TBC1D21: variants seen among roughly 807,000 people sequenced by gnomAD.
The protein encoded by TBC1D21 is male germ cell Rab GTPase-activating protein.
A neutral mutation model predicts 46.0 loss-of-function variants in TBC1D21; 38 were observed. The observed-to-expected ratio is 0.83, with a 90% confidence interval of 0.64 to 1.08. The LOEUF is 1.08. Among genes scored for constraint, TBC1D21 ranks in the 50% least tolerant of loss-of-function variants. The pLI is 0.00. For synonymous variants in TBC1D21, 151 were observed against 157.2 expected (o/e 0.96, Z 0.29); for missense variants, 415 against 417.9 (o/e 0.99, Z 0.06).
the TBC1D21 span, among the ~76,000 whole-genome samples, chr15:73,896,376 G>C: frequency 6.6e-6 from 1 of 152,162 alleles, no homozygotes; most frequent in African/African-American, 2.4e-5. Flanking sequence ...GACAATGGCA[G>C]GTCGTGGTGG....
chr15:73,884,349 A>C, intron 4 of TBC1D21, 104 bp downstream of exon 4: 1 of 1,095,860 alleles, frequency 9.1e-7, no homozygotes, highest in South Asian at 1.3e-5. Flanking sequence ...GGATCCTGGG[A>C]GTTGCTTTGA....
intron 1 of TBC1D21, among the ~76,000 whole-genome samples, chr15:73,879,880 T>C (rs1223350578): frequency 5.6e-5 from 8 of 142,730 alleles, no homozygotes; most frequent in Non-Finnish European, 8.1e-5. Context: ...ACTCCTGTTG[T>C]TGTTGTTGTT....
intron 7 of TBC1D21, 42 bp from the exon 8 acceptor site, chr15:73,886,470 T>C (rs1173977556): frequency 3.8e-6 from 6 of 1,567,998 alleles, no homozygotes; most frequent in Non-Finnish European, 5.3e-6. Flanking sequence ...CTGCATCATA[T>C]GTGTTTTCCC....
the TBC1D21 span, among the ~76,000 whole-genome samples, chr15:73,900,039 C>A: frequency 6.6e-6 from 1 of 152,180 alleles, no homozygotes; most frequent in South Asian, 2.1e-4. Flanking sequence ...CACAGAGGGA[C>A]TTGCAGAATC....
chr15:73,880,304 C>CCACA (rs57897774), intron 1 of TBC1D21, among the ~76,000 whole-genome samples: 71,802 of 149,226 alleles, frequency 0.48, 17,563 homozygotes, highest in Middle Eastern at 0.62. Context: ...CAGATATATA[C>CCACA]CACACACACA....
the TBC1D21 span, among the ~76,000 whole-genome samples, chr15:73,897,250 C>T: frequency 1.4e-3 from 209 of 152,238 alleles, 1 homozygote; most frequent in African/African-American, 4.5e-3. Context: ...GTTGTGTGAC[C>T]GTGGACAATA....
the TBC1D21 span, among the ~76,000 whole-genome samples, chr15:73,903,248 C>A: frequency 6.6e-6 from 1 of 152,238 alleles, no homozygotes; most frequent in Non-Finnish European, 1.5e-5. Context: ...GCACCCATGC[C>A]TCCGGCTTCT....
intron 1 of TBC1D21, among the ~76,000 whole-genome samples, chr15:73,877,480 T>C (rs1048916092): frequency 5.5e-5 from 4 of 72,906 alleles, no homozygotes; most frequent in African/African-American, 2.1e-4. Flanking sequence ...TAAAAAGAAA[T>C]AATACCAATT....
intron 1 of TBC1D21, among the ~76,000 whole-genome samples, chr15:73,878,218 C>T (rs79173965): frequency 0.26 from 39,567 of 152,176 alleles, 6,327 homozygotes; most frequent in Middle Eastern, 0.48. Flanking sequence ...TTTATGTCCA[C>T]GCAGTCTCTG....
At position 73,887,721 on chromosome 15, in the gene TBC1D21, G is replaced by T. The variant is rs760164293; in HGVS notation, c.879G>T (p.Gly293=). The T allele has an allele frequency of 6.2e-7, 1 of 1,613,608 alleles. No homozygotes were observed. The highest frequency in any genetic ancestry group is 8.5e-7 in the Non-Finnish European group (1 of 1,179,788). ...REQVLQESMG[G]DDILLACNNL... ...AGGTGCTGCAGGAAAGCATGGGCGG[G>T]GATGACATCCTCCTGGTGAGAGCAC... The change falls in exon 9 of 11, where the codon GGG becomes GGT. Residue 293 remains glycine (G), a synonymous_variant. Transcript: ENST00000300504.
chr15:73,891,183 T>C (rs2068333850), downstream of TBC1D21, among the ~76,000 whole-genome samples: 1 of 152,180 alleles, frequency 6.6e-6, no homozygotes, highest in East Asian at 1.9e-4. Flanking sequence ...ATTCATTCAT[T>C]TATTCCCCCT....
At chr15:73,893,437 G>A (rs1202902191), downstream of TBC1D21, among the ~76,000 whole-genome samples, 1 of 152,334 alleles carries the variant, frequency 6.6e-6, no homozygotes, top group Middle Eastern at 3.4e-3. Flanking sequence ...GCTTGGATTG[G>A]ATTGGCTGCA....
At chr15:73,874,887 A>T (rs1293223320) in intron 1 of TBC1D21, among the ~76,000 whole-genome samples, 2 of 152,184 alleles carry the variant, frequency 1.3e-5, no homozygotes, top group Admixed American at 6.5e-5. Flanking sequence ...GTTGGTAATA[A>T]TTGCTGAAGT....
chr15:73,898,791 G>A, the TBC1D21 span, among the ~76,000 whole-genome samples: 1 of 147,686 alleles, frequency 6.8e-6, no homozygotes, highest in Non-Finnish European at 1.5e-5. Context: ...TTGAACCCGG[G>A]AGGTGGAGGT....
chr15:73,878,936 G>C (rs1464378538), intron 1 of TBC1D21, among the ~76,000 whole-genome samples: 1 of 152,108 alleles, frequency 6.6e-6, no homozygotes, highest in South Asian at 2.1e-4. Context: ...ACAATCAGAG[G>C]GGCAGAAAGC....
chr15:73,884,031 G>A, intron 3 of TBC1D21, 120 bp from the exon 4 acceptor site: 7 of 787,492 alleles, frequency 8.9e-6, no homozygotes, highest in East Asian at 4.8e-5. Context: ...CAGGTAGGGT[G>A]CATGGCTGGG....
rs781105640 is a variant in TBC1D21 at position 73,886,525 on chromosome 15, AG to A, written c.694del (p.Ala232LeufsTer31). 4 of 1,613,696 alleles carry A rather than the reference AG, an allele frequency of 2.5e-6. No homozygotes were observed. Among genetic ancestry groups the A allele is most frequent in the Non-Finnish European group, 3.4e-6 (4 of 1,180,000 alleles). ...FAEHLKGKGAGAVQSLFPWFC... is the reference protein window; with the variant it reads ...FAEHLKGKGAXAVQSLFPWFC... Reference sequence around the variant, plus strand: ...CTCTCCCCACAGAAGGGAAGGGTGCAGGGGCTGTGCAGTCCCTCTTCCCCTG... The same window carrying A: ...CTCTCCCCACAGAAGGGAAGGGTGCAGGGCTGTGCAGTCCCTCTTCCCCTG... On this transcript the variant is annotated frameshift_variant, in exon 8 of 11. Transcript: ENST00000300504. LOFTEE classifies it high-confidence loss of function.
At chr15:73,887,545 G>C in intron 8 of TBC1D21, 75 bp from the exon 9 acceptor site, 2 of 1,321,104 alleles carry the variant, frequency 1.5e-6, no homozygotes, top group Non-Finnish European at 2.2e-6. Context: ...CACGTGGTTG[G>C]TGGGTACCTC....
intron 1 of TBC1D21, among the ~76,000 whole-genome samples, chr15:73,880,667 A>G (rs2068137725): frequency 6.6e-6 from 1 of 152,200 alleles, no homozygotes; most frequent in Non-Finnish European, 1.5e-5. Flanking sequence ...GCTACTCAGG[A>G]AGCTGAAGCA....
Sources: gnomAD v4.1 joint callset for allele counts (sites outside exome capture counted in the v4.1 genomes callset) on GRCh38, gnomAD v4.1.1 for gene constraint, MANE v1.5 for transcripts, NCBI Gene and HGNC (gene_info 2026-07-23, HGNC 2026-07-21) for gene names.